HSD17B12: variants seen among roughly 807,000 people sequenced by gnomAD.
The protein encoded by HSD17B12 is very-long-chain 3-oxoacyl-CoA reductase.
HSD17B12 carries 32 observed loss-of-function variants against 39.3 expected under a neutral mutation model. The ratio of observed to expected loss-of-function variants is 0.81; its 90% CI spans 0.61 to 1.09. The LOEUF (loss-of-function observed/expected upper bound fraction) is 1.09. Among genes scored for constraint, HSD17B12 ranks in the 50% least tolerant of loss-of-function variants. The pLI, the probability that HSD17B12 is intolerant of heterozygous loss-of-function variation, is 0.00. For missense variants in HSD17B12, 342 were observed against 382.9 expected (o/e 0.89, Z 0.89); for synonymous variants, 150 against 146.7 (o/e 1.02, Z -0.16).
the HSD17B12 span, chr11:43,645,137 G>A: frequency 6.6e-6 from 1 of 152,226 alleles, no homozygotes; most frequent in East Asian, 1.9e-4. Context: ...TTGATATTGG[G>A]TACTGTTTCA....
chr11:43,619,234 T>C, the HSD17B12 span, among the ~76,000 whole-genome samples: 7 of 25,736 alleles, frequency 2.7e-4, no homozygotes, highest in African/African-American at 8.0e-4. Flanking sequence ...ATATGATATA[T>C]ATATATATAA....
chr11:43,828,141 CTTTTTTTT>C (rs551697407), intron 6 of HSD17B12, among the ~76,000 whole-genome samples: 1 of 131,274 alleles, frequency 7.6e-6, no homozygotes, highest in South Asian at 2.5e-4. Flanking sequence ...TTGTCTACTT[CTTTTTTTT>C]TTTTTTTTTT....
At chr11:43,693,413 C>T (rs1280409725) in intron 1 of HSD17B12, among the ~76,000 whole-genome samples, 3 of 152,188 alleles carry the variant, frequency 2.0e-5, no homozygotes, top group Non-Finnish European at 2.9e-5. Flanking sequence ...AGAGCCTAAA[C>T]TCTTAAAGAA....
At chr11:43,723,225 G>A (rs1417553640) in intron 1 of HSD17B12, among the ~76,000 whole-genome samples, 2 of 152,178 alleles carry the variant, frequency 1.3e-5, no homozygotes, top group Non-Finnish European at 2.9e-5. Context: ...CATAAGGCAA[G>A]ATTGAATAAG....
intron 1 of HSD17B12, chr11:43,733,984 C>T: frequency 1.4e-6 from 1 of 718,640 alleles, no homozygotes; most frequent in South Asian, 1.5e-5. Context: ...CGTAATGCTC[C>T]AGTCATCACT....
At chr11:43,832,442 T>C (rs1951320483) in intron 7 of HSD17B12, among the ~76,000 whole-genome samples, 2 of 152,184 alleles carry the variant, frequency 1.3e-5, no homozygotes, top group African/African-American at 4.8e-5. Flanking sequence ...CATAAAGTCT[T>C]AGAGTCAAAG....
intron 9 of HSD17B12, among the ~76,000 whole-genome samples, chr11:43,846,262 C>A (rs1000767448): frequency 2.0e-5 from 3 of 152,238 alleles, no homozygotes; most frequent in Non-Finnish European, 4.4e-5. Flanking sequence ...AGGAAAGAGA[C>A]TTATATTCAT....
intron 1 of HSD17B12, chr11:43,718,807 C>A: frequency 1.1e-6 from 1 of 923,162 alleles, no homozygotes; most frequent in Non-Finnish European, 1.8e-6. Flanking sequence ...GCACGTCACC[C>A]GCCTTCTGGT....
At chr11:43,766,486 A>G (rs955534201) in intron 3 of HSD17B12, among the ~76,000 whole-genome samples, 23 of 152,216 alleles carry the variant, frequency 1.5e-4, no homozygotes, top group African/African-American at 4.8e-4. Flanking sequence ...AGGCCAAGGA[A>G]TAAATCTAGT....
At chr11:43,738,118 AAGCATGTTTTGGTAAAACATGTTTT>A (rs140682693) in intron 1 of HSD17B12, among the ~76,000 whole-genome samples, 33,072 of 151,256 alleles carry the variant, frequency 0.22, 3,818 homozygotes, top group Middle Eastern at 0.37. Flanking sequence ...ATGTTTGGTA[AAGCATGTTTTGGTAAAACATGTTTT>A]AGCATGTTTC....
At chr11:43,667,661 A>G in the HSD17B12 span, among the ~76,000 whole-genome samples, 26 of 152,210 alleles carry the variant, frequency 1.7e-4, no homozygotes, top group African/African-American at 5.8e-4. Context: ...AAATTCATTC[A>G]TGTTTCATAT....
At chr11:43,596,715 G>A in the HSD17B12 span, among the ~76,000 whole-genome samples, 1 of 152,192 alleles carries the variant, frequency 6.6e-6, no homozygotes, top group Admixed American at 6.5e-5. Context: ...TGGGATTACA[G>A]GCCTGAGCCA....
At chr11:43,671,324 C>T in the HSD17B12 span, among the ~76,000 whole-genome samples, 1 of 152,216 alleles carries the variant, frequency 6.6e-6, no homozygotes, top group African/African-American at 2.4e-5. Context: ...GGATTACAGG[C>T]TTGTGCCACC....
chr11:43,736,157 C>A (rs929828125), intron 1 of HSD17B12, among the ~76,000 whole-genome samples: 1 of 152,102 alleles, frequency 6.6e-6, no homozygotes, highest in African/African-American at 2.4e-5. Context: ...TTTTAGTTAA[C>A]CAAATAAAGT....
At chr11:43,835,946 T>C (rs1951366768) in intron 7 of HSD17B12, among the ~76,000 whole-genome samples, 1 of 152,198 alleles carries the variant, frequency 6.6e-6, no homozygotes, top group Non-Finnish European at 1.5e-5. Flanking sequence ...AAATGACTTT[T>C]CCTGTACTTA....
intron 9 of HSD17B12, among the ~76,000 whole-genome samples, chr11:43,847,715 CAA>C (rs749195210): frequency 2.8e-4 from 24 of 85,684 alleles, no homozygotes; most frequent in Middle Eastern, 8.3e-3. Flanking sequence ...CTCTGCCTCA[CAA>C]AAAAAAAAAA....
intron 3 of HSD17B12, among the ~76,000 whole-genome samples, chr11:43,778,374 A>G (rs1950731131): frequency 6.6e-6 from 1 of 152,258 alleles, no homozygotes; most frequent in Admixed American, 6.5e-5. Context: ...GTCCAGGACC[A>G]GATGGATTCA....
intron 1 of HSD17B12, among the ~76,000 whole-genome samples, chr11:43,715,965 C>T (rs1388828306): frequency 6.6e-6 from 1 of 151,996 alleles, no homozygotes; most frequent in African/African-American, 2.4e-5. Flanking sequence ...CTGTTTAGTC[C>T]TTTGAACTTT....
intron 1 of HSD17B12, among the ~76,000 whole-genome samples, chr11:43,689,134 C>T (rs1949829789): frequency 6.6e-6 from 1 of 152,150 alleles, no homozygotes; most frequent in Non-Finnish European, 1.5e-5. Flanking sequence ...ATATATAGAT[C>T]CCCTTAGTGA....
Sources: allele counts gnomAD v4.1 joint callset (sites outside exome capture counted in the v4.1 genomes callset), GRCh38; gene constraint gnomAD v4.1.1; transcripts MANE v1.5; gene names NCBI Gene and HGNC (gene_info 2026-07-23, HGNC 2026-07-21).